Variants in FGGY observed in about 807,000 individuals in gnomAD.
FGGY encodes the protein FGGY carbohydrate kinase domain-containing protein.
A neutral mutation model predicts 71.3 loss-of-function variants in FGGY; 72 were observed. That is an observed-to-expected ratio of 1.01 (90% confidence interval 0.84 to 1.23). The LOEUF (loss-of-function observed/expected upper bound fraction) is 1.23. FGGY is among the 50% of genes most tolerant of loss of function. FGGY has a pLI of 0.00. For synonymous variants in FGGY, 251 were observed against 250.3 expected (o/e 1.00, Z -0.02); for missense variants, 668 against 682.3 (o/e 0.98, Z 0.23).
At chr1:59,428,358 A>C (rs1437016065) in intron 5 of FGGY, among the ~76,000 whole-genome samples, 1 of 152,154 alleles carries the variant, frequency 6.6e-6, no homozygotes, top group Admixed American at 6.5e-5. Context: ...TCACTCAGCT[A>C]ATAGGTGATG....
At chr1:59,641,795 A>G (rs982540977) in intron 11 of FGGY, among the ~76,000 whole-genome samples, 1 of 152,234 alleles carries the variant, frequency 6.6e-6, no homozygotes, top group African/African-American at 2.4e-5. Flanking sequence ...TGATAACATC[A>G]TATATGACAT....
chr1:59,681,788 ACACACACACACACACATG>A (rs1230840516), intron 14 of FGGY, among the ~76,000 whole-genome samples: 3 of 105,266 alleles, frequency 2.8e-5, no homozygotes, highest in East Asian at 6.2e-4. Flanking sequence ...AAAAATACAC[ACACACACACACACACATG>A]CACACACACA....
intron 5 of FGGY, among the ~76,000 whole-genome samples, chr1:59,381,573 A>G (rs2059449376): frequency 6.6e-6 from 1 of 151,518 alleles, no homozygotes; most frequent in African/African-American, 2.4e-5. Flanking sequence ...TTATGGGACC[A>G]CTGTCATATA....
chr1:59,739,802 G>C (rs1190876803), intron 14 of FGGY, among the ~76,000 whole-genome samples: 2 of 151,978 alleles, frequency 1.3e-5, no homozygotes, highest in Non-Finnish European at 2.9e-5. Flanking sequence ...TCAGCTTTGT[G>C]GACACTATAA....
chr1:59,510,614 A>G (rs994565233), intron 6 of FGGY, among the ~76,000 whole-genome samples: 3 of 152,242 alleles, frequency 2.0e-5, no homozygotes, highest in Non-Finnish European at 4.4e-5. Context: ...TATGAGCCAC[A>G]TATGTAATCT....
At chr1:59,644,952 G>A (rs1368235589) in intron 11 of FGGY, among the ~76,000 whole-genome samples, 1 of 151,536 alleles carries the variant, frequency 6.6e-6, no homozygotes, top group Non-Finnish European at 1.5e-5. Flanking sequence ...ATTCCAGCCT[G>A]GCAAGACAGC....
At chr1:59,512,562 T>C in intron 7 of FGGY, 123 bp downstream of exon 7, 1 of 1,038,378 alleles carries the variant, frequency 9.6e-7, no homozygotes, top group African/African-American at 1.6e-5. Flanking sequence ...CAGGATATAA[T>C]AATGAAAAGC....
At chr1:59,302,086 T>C (rs961821639) in intron 1 of FGGY, among the ~76,000 whole-genome samples, 15 of 152,176 alleles carry the variant, frequency 9.9e-5, no homozygotes, top group African/African-American at 3.6e-4. Flanking sequence ...ATTACATTTA[T>C]TGGTTTTTTT....
intron 13 of FGGY, among the ~76,000 whole-genome samples, chr1:59,669,310 T>C (rs1013877960): frequency 2.6e-5 from 4 of 152,176 alleles, no homozygotes; most frequent in Non-Finnish European, 5.9e-5. Context: ...TTCTTGACTT[T>C]TCTGCCAAGT....
At chr1:59,701,429 A>G (rs924696888) in intron 14 of FGGY, among the ~76,000 whole-genome samples, 14 of 152,098 alleles carry the variant, frequency 9.2e-5, no homozygotes, top group African/African-American at 3.4e-4. Context: ...TCTTGCATTC[A>G]TTTTATCAGT....
intron 5 of FGGY, among the ~76,000 whole-genome samples, chr1:59,405,602 AT>A (rs967004080): frequency 2.6e-5 from 4 of 151,644 alleles, no homozygotes; most frequent in African/African-American, 7.3e-5. Flanking sequence ...ATAAAATAAG[AT>A]TTTTTTTTAG....
chr1:59,404,763 A>G (rs778973543), intron 5 of FGGY, among the ~76,000 whole-genome samples: 2 of 152,130 alleles, frequency 1.3e-5, no homozygotes, highest in African/African-American at 2.4e-5. Flanking sequence ...TTTGGTGAGA[A>G]GTTAGATGAG....
At chr1:59,481,741 A>G (rs1386071121) in intron 6 of FGGY, among the ~76,000 whole-genome samples, 1 of 152,104 alleles carries the variant, frequency 6.6e-6, no homozygotes, top group Admixed American at 6.5e-5. Context: ...TAGGTATTGT[A>G]TTTGCAAGGC....
At chr1:59,648,591 G>A (rs1473600812) in intron 11 of FGGY, among the ~76,000 whole-genome samples, 1 of 148,014 alleles carries the variant, frequency 6.8e-6, no homozygotes, top group Non-Finnish European at 1.5e-5. Flanking sequence ...CTTTTTGATG[G>A]GGTTGTTTGT....
At chr1:59,424,608 T>C (rs2066023775) in intron 5 of FGGY, among the ~76,000 whole-genome samples, 1 of 152,172 alleles carries the variant, frequency 6.6e-6, no homozygotes, top group Non-Finnish European at 1.5e-5. Flanking sequence ...TGCAATTTAG[T>C]TCAGCTTGTT....
intron 14 of FGGY, among the ~76,000 whole-genome samples, chr1:59,692,868 A>G (rs2097605583): frequency 6.6e-6 from 1 of 152,138 alleles, no homozygotes; most frequent in Non-Finnish European, 1.5e-5. Flanking sequence ...TAATCATGCT[A>G]TGGTCATATT....
intron 14 of FGGY, among the ~76,000 whole-genome samples, chr1:59,751,395 A>C (rs1327344457): frequency 6.6e-6 from 1 of 152,208 alleles, no homozygotes; most frequent in Non-Finnish European, 1.5e-5. Flanking sequence ...AGTTAAAATA[A>C]ATTTTGAGTA....
intron 8 of FGGY, among the ~76,000 whole-genome samples, chr1:59,588,885 C>G (rs1023349446): frequency 3.3e-5 from 5 of 152,168 alleles, no homozygotes; most frequent in Non-Finnish European, 7.3e-5. Flanking sequence ...CATCAACTAA[C>G]GAGCAATATA....
intron 5 of FGGY, among the ~76,000 whole-genome samples, chr1:59,433,731 A>T (rs1029301043): frequency 4.6e-5 from 7 of 152,178 alleles, no homozygotes; most frequent in Non-Finnish European, 8.8e-5. Flanking sequence ...TTGGAAACTC[A>T]AGTTTCTCAT....
Sources: gnomAD v4.1 joint callset for allele counts (sites outside exome capture counted in the v4.1 genomes callset) on GRCh38, gnomAD v4.1.1 for gene constraint, MANE v1.5 for transcripts, NCBI Gene and HGNC (gene_info 2026-07-23, HGNC 2026-07-21) for gene names.